Variants in PAXBP1 observed in about 807,000 individuals in gnomAD.
The protein encoded by PAXBP1 is PAX3- and PAX7-binding protein 1.
A neutral mutation model predicts 119.9 loss-of-function variants in PAXBP1; 44 were observed. That is an observed-to-expected ratio of 0.37 (90% confidence interval 0.29 to 0.47). PAXBP1 has a LOEUF of 0.47. PAXBP1 is among the 20% of genes least tolerant of loss of function. The probability of loss-of-function intolerance (pLI) is 0.99; values close to 1 mark genes in which losing one functional copy is unlikely to be tolerated. For synonymous variants in PAXBP1, 393 were observed against 406.6 expected, an observed-to-expected ratio of 0.97 and a Z score of 0.40; for missense variants, 898 against 1,134.1, an observed-to-expected ratio of 0.79 and a Z score of 2.99.
chr21:32,748,569 A>G lies in PAXBP1; in HGVS notation c.1853T>C (p.Ile618Thr), dbSNP rs751922547. 4 of 1,614,116 alleles carry G rather than the reference A, an allele frequency of 2.5e-6. No homozygotes were observed. The South Asian group carries it at 3.3e-5, about 13-fold the overall frequency. The change falls in exon 11 of 18, where the codon ATT becomes ACT. Residue 618 changes from isoleucine (I) to threonine (T), a missense_variant. Around this residue, in one of 2 missense-constraint regions of PAXBP1, gnomAD observed 599 missense variants for 852.7 expected, o/e 0.70. Coordinates refer to ENST00000331923, the MANE Select transcript of PAXBP1 (RefSeq NM_016631.4). ...KYYTSYKDAY[I>T]GLCLPKLFNP... is the part of the protein sequence containing the mutation. The stretch of plus-strand genomic sequence containing the variant: ...GAATAATTTTGGCAAACAAAGGCCA[A>G]TGTAAGCATCTTTGTAGGATGTGTA...
chr21:32,769,184 G>T (rs1246268500), intron 2 of PAXBP1, among the ~76,000 whole-genome samples: 1 of 152,168 alleles, frequency 6.6e-6, no homozygotes, highest in African/African-American at 2.4e-5. Flanking sequence ...AATAGCATTT[G>T]CAGGAGAATA....
At chr21:32,755,488 C>A in intron 7 of PAXBP1, 135 bp from the exon 8 acceptor site, 1 of 1,127,812 alleles carries the variant, frequency 8.9e-7, no homozygotes. Flanking sequence ...CAACAGCACA[C>A]AAGTAGCAAA....
chr21:32,745,693 A>G lies in PAXBP1; in HGVS notation c.1949T>C (p.Met650Thr). ...LEAKCRDFEN[M>T]LWFESLLFYG... is the part of the protein sequence containing the mutation. Reference sequence around the variant, plus strand: ...AAACAGCAAAGATTCAAACCACAGCATATTCTCAAAGTCACGACATTTTGC... The same window carrying G: ...AAACAGCAAAGATTCAAACCACAGCGTATTCTCAAAGTCACGACATTTTGC... The change falls in exon 12 of 18, where the codon ATG (methionine) becomes ACG (threonine). Residue 650 changes from methionine (M) to threonine (T), a missense_variant. By Grantham distance (81) the Met-to-Thr change is moderately conservative. This residue lies in a region of PAXBP1 where 599 missense variants were observed against 852.7 expected (regional missense o/e 0.70). Coordinates refer to ENST00000331923, the MANE Select transcript of PAXBP1 (RefSeq NM_016631.4). The G allele has an allele frequency of 6.2e-7, 1 of 1,614,012 alleles. No homozygotes were observed. Among genetic ancestry groups the G allele is most frequent in the Non-Finnish European group, 8.5e-7 (1 of 1,179,936 alleles).
chr21:32,765,686 AC>A (rs2044228647), intron 2 of PAXBP1, among the ~76,000 whole-genome samples: 1 of 148,808 alleles, frequency 6.7e-6, no homozygotes, highest in African/African-American at 2.5e-5. Context: ...ATTTTAGGTA[AC>A]CTCTTTTAGG....
intron 17 of PAXBP1, among the ~76,000 whole-genome samples, chr21:32,735,301 A>G (rs1282269126): frequency 6.6e-6 from 1 of 152,218 alleles, no homozygotes; most frequent in Non-Finnish European, 1.5e-5. Flanking sequence ...CAGGGGACCC[A>G]TTTTAAAAAA....
intron 11 of PAXBP1, among the ~76,000 whole-genome samples, chr21:32,747,164 T>C (rs536429654): frequency 2.0e-5 from 3 of 152,306 alleles, no homozygotes; most frequent in African/African-American, 7.2e-5. Flanking sequence ...TGGGTTGATC[T>C]GTGCTGTAAA....
At chr21:32,769,684 C>T (rs2051384) in intron 2 of PAXBP1, 130 bp downstream of exon 2, 48,924 of 803,662 alleles carry the variant, frequency 0.061, 1,935 homozygotes, top group South Asian at 0.14. Context: ...CAGAACTGTA[C>T]TGCTACTCAA....
rs1237045800 is a variant in PAXBP1, at chr21:32,761,817, T to C, written c.871+279A>G. Among the ~76,000 whole-genome samples the C allele has an allele frequency of 2.0e-5, 3 of 152,062 alleles. No individual in the cohort carries two copies. In the East Asian group the frequency reaches 5.8e-4, roughly 29 times the overall value. ...TTCGGGAGGCCAAGGCAGGAGGATC[T>C]CTTGAAGCCAAGAGTTAAGACACCA... On this transcript the variant is annotated intron_variant, in intron 4 of 17. Coordinates refer to ENST00000331923, the MANE Select transcript of PAXBP1 (RefSeq NM_016631.4).
Position 32,734,440 on chromosome 21 carries a change from T to C in PAXBP1, c.*510A>G. ...ACTCTCAATGTTAAGGCAGCACAGC[T>C]ACAGTGATAGCAACGCTAACCAAAA... On this transcript the variant is annotated 3_prime_UTR_variant, in exon 18 of 18. Transcript: ENST00000331923. 2 of 160,664 alleles carry C rather than the reference T, an allele frequency of 1.2e-5. No individual in the cohort carries two copies. Among genetic ancestry groups the C allele is most frequent in the Non-Finnish European group, 2.7e-5 (2 of 73,682 alleles). 10.0% of individuals were successfully genotyped at this position (160,664 alleles called of 1,614,324 possible). A position where few individuals can be genotyped will look rare whatever the true frequency, so the allele number is the denominator to read the frequency against.
chr21:32,760,305 T>C (rs111721636), intron 5 of PAXBP1, among the ~76,000 whole-genome samples: 370 of 152,262 alleles, frequency 2.4e-3, no homozygotes, highest in African/African-American at 8.2e-3. Flanking sequence ...GGTCACAGAA[T>C]CAATGGGCAA....
intron 15 of PAXBP1, among the ~76,000 whole-genome samples, chr21:32,738,837 C>G (rs138798517): frequency 1.9e-3 from 296 of 152,296 alleles, no homozygotes; most frequent in Non-Finnish European, 3.3e-3. Flanking sequence ...AAAGCCCCAT[C>G]CCATCCCACC....
At chr21:32,767,574 G>A (rs908259905) in intron 2 of PAXBP1, among the ~76,000 whole-genome samples, 1 of 152,168 alleles carries the variant, frequency 6.6e-6, no homozygotes, top group African/African-American at 2.4e-5. Flanking sequence ...GGACCCAGGA[G>A]GAGGTAACTA....
chr21:32,752,419 T>C (rs1041187969), intron 8 of PAXBP1, among the ~76,000 whole-genome samples: 3 of 151,986 alleles, frequency 2.0e-5, no homozygotes, highest in Non-Finnish European at 2.9e-5. Flanking sequence ...GATATGACAG[T>C]AAGGGGAGGC....
chr21:32,769,358 T>C (rs1008936794), intron 2 of PAXBP1, among the ~76,000 whole-genome samples: 2 of 152,086 alleles, frequency 1.3e-5, no homozygotes, highest in African/African-American at 2.4e-5. Context: ...GGCTGCTGAA[T>C]GGGAGTAATA....
intron 10 of PAXBP1, 134 bp from the exon 11 acceptor site, chr21:32,748,832 T>C: frequency 1.4e-6 from 1 of 698,264 alleles, no homozygotes. Context: ...CAATTGTTAG[T>C]CACAATTTAG....
rs754947318 is a variant in PAXBP1 at position 32,750,982 on chromosome 21, A to C, written c.1658T>G (p.Leu553Arg). The change falls in exon 10 of 18, where the codon CTT (leucine) becomes CGT (arginine). Residue 553 changes from leucine (L) to arginine (R), a missense_variant. Leu to Arg is a moderately radical substitution (Grantham distance 102). Around this residue, in one of 2 missense-constraint regions of PAXBP1, gnomAD observed 599 missense variants for 852.7 expected, o/e 0.70. Transcript: ENST00000331923. ...REQTGKMADH[L>R]EGLSSDDEET... is the part of the protein sequence containing the mutation. Reference sequence around the variant, plus strand: ...TTCATCATCACTGGAAAGGCCTTCAAGGTGATCTGCCATCTTACCGGTTTG... The same window carrying C: ...TTCATCATCACTGGAAAGGCCTTCACGGTGATCTGCCATCTTACCGGTTTG... 1 of 1,614,172 alleles carries C rather than the reference A, an allele frequency of 6.2e-7. No homozygotes were observed. The highest frequency in any genetic ancestry group is 2.2e-5 in the East Asian group (1 of 44,880).
At chr21:32,743,338 A>C in intron 14 of PAXBP1, 24 bp from the exon 15 acceptor site, 3 of 1,453,484 alleles carry the variant, frequency 2.1e-6, no homozygotes, top group Non-Finnish European at 2.8e-6. Context: ...AGAGAAACAT[A>C]TCATGATCAG....
intron 6 of PAXBP1, 73 bp downstream of exon 6, chr21:32,759,704 T>C (rs2044105166): frequency 6.4e-6 from 8 of 1,256,302 alleles, no homozygotes; most frequent in South Asian, 1.3e-5. Context: ...CTGCATCTGC[T>C]ACCCCAGACT....
At chr21:32,764,942 C>T (rs114260857) in intron 2 of PAXBP1, among the ~76,000 whole-genome samples, 36 of 152,282 alleles carry the variant, frequency 2.4e-4, no homozygotes, top group Non-Finnish European at 4.1e-4. Context: ...TAAGCCCATG[C>T]GAGGCAACTC....
Sources: allele counts gnomAD v4.1 joint callset (sites outside exome capture counted in the v4.1 genomes callset), GRCh38; gene constraint gnomAD v4.1.1; regional missense constraint gnomAD v4.1.1; transcripts MANE v1.5; gene names NCBI Gene and HGNC (gene_info 2026-07-23, HGNC 2026-07-21).